The following LRP1B variants were observed in gnomAD, a reference collection of about 807,000 sequenced individuals.
LRP1B encodes the protein low-density lipoprotein receptor-related protein 1B.
In LRP1B, 217 loss-of-function variants were observed where a neutral mutation model predicts 556.6. The ratio of observed to expected loss-of-function variants is 0.39; its 90% CI spans 0.35 to 0.44. LRP1B has a LOEUF of 0.44. Among genes scored for constraint, LRP1B ranks in the 20% least tolerant of loss-of-function variants. The pLI, the probability that LRP1B is intolerant of heterozygous loss-of-function variation, is 1.00. For missense variants in LRP1B, 5,053 were observed against 5,620.8 expected, an observed-to-expected ratio of 0.90 and a Z score of 3.23; for synonymous variants, 2,047 against 1,865.8, an observed-to-expected ratio of 1.10 and a Z score of -2.50.
At chr2:141,795,861 T>A (rs867879202) in intron 2 of LRP1B, among the ~76,000 whole-genome samples, 10 of 55,726 alleles carry the variant, frequency 1.8e-4, no homozygotes, top group African/African-American at 8.5e-4. Context: ...AGGAGCAATA[T>A]ATATATATAT....
chr2:140,382,128 C>A (rs537881599), intron 67 of LRP1B, among the ~76,000 whole-genome samples: 7 of 152,166 alleles, frequency 4.6e-5, no homozygotes, highest in African/African-American at 1.7e-4. Flanking sequence ...GTGATAAGTT[C>A]AAAAGTTATA....
chr2:141,813,101 T>C (rs1696411912), intron 1 of LRP1B, among the ~76,000 whole-genome samples: 1 of 152,158 alleles, frequency 6.6e-6, no homozygotes, highest in Non-Finnish European at 1.5e-5. Flanking sequence ...CATTTATCTA[T>C]GCAACACATA....
rs574488880 is a variant in LRP1B at position 140,399,128 on chromosome 2, C to A, written c.10415-13119G>T. ...TTGATCTTTTAGAATTGATCTAAAA[C>A]TTAGTGCCTTATTACTTAAAAAGAG... On this transcript the variant is annotated intron_variant, in intron 66 of 90. Coordinates refer to ENST00000389484, the MANE Select transcript of LRP1B (RefSeq NM_018557.3). Among the ~76,000 whole-genome samples the A allele has an allele frequency of 4.8e-5, 7 of 145,476 alleles. No homozygotes were observed. In the East Asian group the frequency reaches 7.8e-4, roughly 16 times the overall value.
chr2:141,421,610 A>C (rs1290684348), intron 3 of LRP1B, among the ~76,000 whole-genome samples: 1 of 152,200 alleles, frequency 6.6e-6, no homozygotes, highest in Non-Finnish European at 1.5e-5. Flanking sequence ...TGAAAATGAC[A>C]TTTAACCTAC....
At chr2:141,641,812 T>A (rs940011835) in intron 2 of LRP1B, among the ~76,000 whole-genome samples, 1 of 152,190 alleles carries the variant, frequency 6.6e-6, no homozygotes, top group African/African-American at 2.4e-5. Flanking sequence ...ATTAATAACA[T>A]TGTTTAATGA....
chr2:141,937,508 T>C (rs1316269867), intron 1 of LRP1B, among the ~76,000 whole-genome samples: 1 of 151,962 alleles, frequency 6.6e-6, no homozygotes, highest in Non-Finnish European at 1.5e-5. Context: ...ATATATATTA[T>C]GTAAATTCTT....
intron 35 of LRP1B, among the ~76,000 whole-genome samples, chr2:140,768,042 C>A (rs1378592901): frequency 9.9e-5 from 15 of 151,906 alleles, no homozygotes; most frequent in Non-Finnish European, 4.4e-5. Flanking sequence ...TCAAAAACCA[C>A]ACTGAGATTT....
chr2:141,422,774 A>G (rs1201625028), intron 3 of LRP1B, among the ~76,000 whole-genome samples: 1 of 152,114 alleles, frequency 6.6e-6, no homozygotes, highest in African/African-American at 2.4e-5. Flanking sequence ...TCATGTTTGA[A>G]AAACTCTTTA....
chr2:140,851,851 C>T (rs2105122532), intron 27 of LRP1B, 68 bp from the exon 28 acceptor site: 2 of 1,449,530 alleles, frequency 1.4e-6, no homozygotes, highest in Non-Finnish European at 1.9e-6. Context: ...CTGAGGTTGA[C>T]AGGGGTTATT....
intron 2 of LRP1B, among the ~76,000 whole-genome samples, chr2:141,628,325 G>T (rs1688776620): frequency 6.6e-6 from 1 of 152,092 alleles, no homozygotes; most frequent in Non-Finnish European, 1.5e-5. Context: ...AAGAAGGTAG[G>T]TCTCAGAAAA....
chr2:140,967,996 A>T (rs1696285017), intron 18 of LRP1B, among the ~76,000 whole-genome samples: 1 of 9,000 alleles, frequency 1.1e-4, no homozygotes, highest in Non-Finnish European at 9.8e-4. Flanking sequence ...ATTGGTCTAA[A>T]ATTCTCTTTT....
chr2:141,012,001 T>G (rs114446175), intron 14 of LRP1B, among the ~76,000 whole-genome samples: 20 of 152,220 alleles, frequency 1.3e-4, no homozygotes, highest in Non-Finnish European at 2.5e-4. Context: ...CACAGTGCTA[T>G]GTAAGTTCTG....
Position 140,358,963 on chromosome 2 carries a change from A to C in LRP1B, c.11132-17T>G. The C allele has an allele frequency of 6.2e-7, 1 of 1,602,742 alleles. No individual in the cohort carries two copies. The highest frequency in any genetic ancestry group is 8.5e-7 in the Non-Finnish European group (1 of 1,172,958). ...GAAATTTGACTGAAGAAAAAGAAGA[A>C]AAAACAAAGAAGCTCCTTCGAGTAC... On this transcript the variant is annotated splice_polypyrimidine_tract_variant and intron_variant, in intron 72 of 90. Transcript: ENST00000389484.
intron 1 of LRP1B, among the ~76,000 whole-genome samples, chr2:141,822,360 G>A (rs771320149): frequency 5.9e-5 from 9 of 152,058 alleles, no homozygotes; most frequent in Non-Finnish European, 1.0e-4. Flanking sequence ...CCATTCAAAT[G>A]AATCAGCAAA....
chr2:141,810,470 ATG>A, intron 1 of LRP1B, 69 bp from the exon 2 acceptor site: 1 of 1,527,238 alleles, frequency 6.5e-7, no homozygotes. Flanking sequence ...CAGTACAAAC[ATG>A]AAATGTGAAA....
chr2:140,429,434 CTT>C (rs2105280332), intron 66 of LRP1B, among the ~76,000 whole-genome samples: 1 of 152,256 alleles, frequency 6.6e-6, no homozygotes, highest in African/African-American at 2.4e-5. Context: ...CCCAGCCTCT[CTT>C]CGCTTTCACT....
At chr2:141,498,283 A>G (rs1683588295) in intron 2 of LRP1B, among the ~76,000 whole-genome samples, 1 of 151,928 alleles carries the variant, frequency 6.6e-6, no homozygotes, top group South Asian at 2.1e-4. Context: ...CTTCATCTAC[A>G]ACACTCTAAC....
At chr2:141,443,209 T>C (rs1681052039) in intron 3 of LRP1B, among the ~76,000 whole-genome samples, 1 of 152,236 alleles carries the variant, frequency 6.6e-6, no homozygotes, top group Non-Finnish European at 1.5e-5. Flanking sequence ...CATATGTTTG[T>C]TGGCTGCATA....
chr2:142,093,544 T>A (rs1706250829), intron 1 of LRP1B, among the ~76,000 whole-genome samples: 1 of 151,938 alleles, frequency 6.6e-6, no homozygotes, highest in South Asian at 2.1e-4. Flanking sequence ...ATAGTCCACA[T>A]CACATATCCA....
Sources: allele counts gnomAD v4.1 joint callset (sites outside exome capture counted in the v4.1 genomes callset), GRCh38; gene constraint gnomAD v4.1.1; transcripts MANE v1.5; gene names NCBI Gene and HGNC (gene_info 2026-07-23, HGNC 2026-07-21).